The following GPC5 variants were observed in gnomAD, a reference collection of about 807,000 sequenced individuals.
GPC5 encodes glypican-5.
A neutral mutation model predicts 53.9 loss-of-function variants in GPC5; 47 were observed. The observed-to-expected ratio is 0.87, with a 90% CI of 0.69 to 1.11. GPC5 has a LOEUF of 1.11. Among genes scored for constraint, GPC5 ranks in the 50% most tolerant of loss-of-function variants. GPC5 has a pLI of 0.00. For synonymous variants in GPC5, 286 were observed against 263.3 expected (o/e 1.09, Z -0.84); for missense variants, 748 against 713.1 (o/e 1.05, Z -0.56).
chr13:92,622,407 T>C (rs1316054406), intron 7 of GPC5, among the ~76,000 whole-genome samples: 1 of 152,170 alleles, frequency 6.6e-6, no homozygotes, highest in Non-Finnish European at 1.5e-5. Flanking sequence ...TTTCTACAAC[T>C]TTATAAATAG....
intron 2 of GPC5, among the ~76,000 whole-genome samples, chr13:91,656,470 G>A (rs1227165932): frequency 2.0e-5 from 3 of 152,146 alleles, no homozygotes; most frequent in Admixed American, 6.6e-5. Flanking sequence ...GTTACACAGC[G>A]TACTAGAGTA....
intron 7 of GPC5, among the ~76,000 whole-genome samples, chr13:92,385,970 C>G (rs1443499720): frequency 6.6e-6 from 1 of 151,574 alleles, no homozygotes; most frequent in African/African-American, 2.4e-5. Flanking sequence ...ATAAAACAAT[C>G]CTATTTCTAG....
intron 7 of GPC5, among the ~76,000 whole-genome samples, chr13:92,624,475 A>G (rs1264118835): frequency 6.6e-6 from 1 of 152,184 alleles, no homozygotes; most frequent in Non-Finnish European, 1.5e-5. Context: ...CACATTTTTC[A>G]GTATGATGCA....
intron 7 of GPC5, among the ~76,000 whole-genome samples, chr13:92,782,728 A>C (rs1371325457): frequency 6.6e-6 from 1 of 152,194 alleles, no homozygotes; most frequent in Admixed American, 6.6e-5. Context: ...ACTGCACCCA[A>C]GATATAAAGC....
At position 91,754,097 on chromosome 13, in the gene GPC5, G is replaced by A. The variant is rs74888996; in HGVS notation, c.1155-2198G>A. On this transcript the variant is annotated intron_variant, in intron 4 of 7. Transcript: ENST00000377067. ...AATATAGGCAAAGGTATGACGGTGT[G>A]TTTGGAAAACAGAACCTCACTTTTG... Among the ~76,000 whole-genome samples, 1,044 of 152,300 alleles carry A rather than the reference G, an allele frequency of 6.9e-3. 15 individuals carry two copies. Among genetic ancestry groups the A allele is most frequent in the African/African-American group, 0.023 (945 of 41,554 alleles).
At chr13:92,771,253 C>T (rs1875604180) in intron 7 of GPC5, among the ~76,000 whole-genome samples, 1 of 152,148 alleles carries the variant, frequency 6.6e-6, no homozygotes, top group South Asian at 2.1e-4. Context: ...AGGCTCACCA[C>T]TTCGCTTTGG....
chr13:92,704,659 AGGAGGAAATCCACT>A (rs1887880110), intron 7 of GPC5, among the ~76,000 whole-genome samples: 1 of 151,938 alleles, frequency 6.6e-6, no homozygotes, highest in African/African-American at 2.4e-5. Context: ...TTAAGAAAAA[AGGAGGAAATCCACT>A]TATGGAAGAA....
intron 6 of GPC5, among the ~76,000 whole-genome samples, chr13:91,954,553 T>TG (rs11384857): frequency 0.64 from 97,154 of 151,848 alleles, 31,698 homozygotes; most frequent in African/African-American, 0.76. Flanking sequence ...AACTTCCACG[T>TG]ATAAAAATTA....
intron 7 of GPC5, among the ~76,000 whole-genome samples, chr13:92,390,924 T>A (rs1296949885): frequency 6.6e-6 from 1 of 151,934 alleles, no homozygotes; most frequent in Non-Finnish European, 1.5e-5. Context: ...ATGTGTAGAT[T>A]AATTTTATTT....
chr13:92,471,452 T>C (rs1259477113), intron 7 of GPC5, among the ~76,000 whole-genome samples: 7 of 151,988 alleles, frequency 4.6e-5, no homozygotes, highest in Non-Finnish European at 8.8e-5. Flanking sequence ...CTGAGGTCTT[T>C]TGGTTACTTA....
intron 6 of GPC5, among the ~76,000 whole-genome samples, chr13:91,999,947 G>T (rs1023921898): frequency 6.6e-6 from 1 of 152,100 alleles, no homozygotes; most frequent in Non-Finnish European, 1.5e-5. Context: ...AAACTGAAAA[G>T]TTCTGTATCT....
intron 7 of GPC5, among the ~76,000 whole-genome samples, chr13:92,538,351 T>A (rs538259753): frequency 6.6e-6 from 1 of 151,740 alleles, no homozygotes; most frequent in East Asian, 1.9e-4. Flanking sequence ...CCTGTCCTAC[T>A]CTTTTCTTTC....
chr13:92,440,089 G>A (rs530031026), intron 7 of GPC5, among the ~76,000 whole-genome samples: 2 of 152,304 alleles, frequency 1.3e-5, no homozygotes, highest in South Asian at 4.1e-4. Context: ...GATGGGACAA[G>A]ACAATGTTTT....
chr13:92,456,385 T>A (rs760981354), intron 7 of GPC5, among the ~76,000 whole-genome samples: 4 of 152,168 alleles, frequency 2.6e-5, no homozygotes, highest in Non-Finnish European at 5.9e-5. Flanking sequence ...TCCCCCAAAC[T>A]TGAAGTGCTT....
rs551998195 is a variant in GPC5 at position 92,585,564 on chromosome 13, G to A, written c.1562-280718G>A. ...TCTCAGATGAGACTTTGGACTATAG[G>A]CTTTTGAGTAATGCTGCAATGAGAT... On this transcript the variant is annotated intron_variant, in intron 7 of 7. Coordinates refer to ENST00000377067, the MANE Select transcript of GPC5 (RefSeq NM_004466.6). 3.3e-5 allele frequency among the ~76,000 whole-genome samples: 5 copies of A among 152,250 alleles called. No homozygotes were observed. In the South Asian group the frequency reaches 1.0e-3, roughly 32 times the overall value.
chr13:91,791,286 A>G (rs2037960030), intron 5 of GPC5, among the ~76,000 whole-genome samples: 1 of 152,146 alleles, frequency 6.6e-6, no homozygotes, highest in Non-Finnish European at 1.5e-5. Flanking sequence ...GTCAGGAAGG[A>G]ATGCCGAGGT....
intron 7 of GPC5, among the ~76,000 whole-genome samples, chr13:92,504,717 C>T (rs975930106): frequency 6.6e-6 from 1 of 151,798 alleles, no homozygotes; most frequent in African/African-American, 2.4e-5. Flanking sequence ...GGTGCAAAGG[C>T]AATGACAATA....
At chr13:92,425,158 C>T (rs1367622222) in intron 7 of GPC5, among the ~76,000 whole-genome samples, 1 of 151,912 alleles carries the variant, frequency 6.6e-6, no homozygotes, top group South Asian at 2.1e-4. Context: ...TTTTTCAATT[C>T]TCTGTTCCTT....
At chr13:91,884,528 T>C (rs552871820) in intron 5 of GPC5, among the ~76,000 whole-genome samples, 1 of 152,334 alleles carries the variant, frequency 6.6e-6, no homozygotes, top group South Asian at 2.1e-4. Context: ...TTCTCACTTA[T>C]AAGTGGGAGT....
Sources: allele counts gnomAD v4.1 joint callset (sites outside exome capture counted in the v4.1 genomes callset), GRCh38; gene constraint gnomAD v4.1.1; transcripts MANE v1.5; gene names NCBI Gene and HGNC (gene_info 2026-07-23, HGNC 2026-07-21).